PRKN: variants seen among roughly 807,000 people sequenced by gnomAD.
The protein encoded by PRKN is E3 ubiquitin-protein ligase parkin.
Under a neutral mutation model 59.5 loss-of-function variants are expected in PRKN, and 56 were observed. The observed-to-expected ratio is 0.94, with a 90% CI of 0.76 to 1.18. The LOEUF is 1.18. Ranked by LOEUF, PRKN falls within the 50% of genes most tolerant of loss-of-function variation. PRKN has a pLI of 0.00. For missense variants in PRKN, 657 were observed against 596.4 expected, an observed-to-expected ratio of 1.10 and a Z score of -1.06; for synonymous variants, 250 against 222.1, an observed-to-expected ratio of 1.13 and a Z score of -1.12.
intron 1 of PRKN, among the ~76,000 whole-genome samples, chr6:162,606,462 T>C (rs563685809): frequency 3.3e-5 from 5 of 152,362 alleles, no homozygotes; most frequent in African/African-American, 1.2e-4. Flanking sequence ...GTACTTGAAG[T>C]AACGTTTGAA....
intron 1 of PRKN, among the ~76,000 whole-genome samples, chr6:162,696,041 T>C (rs1170599029): frequency 6.6e-6 from 1 of 152,072 alleles, no homozygotes; most frequent in Non-Finnish European, 1.5e-5. Context: ...AGAAAGTGCC[T>C]GGAACATGGT....
At chr6:161,876,543 G>A (rs935348032) in intron 6 of PRKN, among the ~76,000 whole-genome samples, 2 of 152,016 alleles carry the variant, frequency 1.3e-5, no homozygotes, top group Admixed American at 6.6e-5. Context: ...AAACTCCTGA[G>A]CTCAAGTGAT....
intron 2 of PRKN, among the ~76,000 whole-genome samples, chr6:162,392,484 C>T (rs1442755203): frequency 6.6e-6 from 1 of 152,156 alleles, no homozygotes; most frequent in African/African-American, 2.4e-5. Context: ...GATTCTACAA[C>T]TTAATTTTTC....
intron 5 of PRKN, among the ~76,000 whole-genome samples, chr6:161,978,920 A>G (rs549446486): frequency 2.0e-5 from 3 of 152,324 alleles, no homozygotes; most frequent in Non-Finnish European, 2.9e-5. Flanking sequence ...CCAGCTGTCA[A>G]TTCTAGTGTG....
In PRKN at chr6:161,529,090, A is replaced by G. The variant is rs904138645; in HGVS notation, c.1083+19764T>C. ...TACTTAAAACAGCTGTCTTATGTCT[A>G]TGAGATATACGAGCCACAACCACAG... On this transcript the variant is annotated intron_variant, in intron 9 of 11. Transcript: ENST00000366898. This position sits in a 1 kb window ranked among gnomAD's most constrained non-coding sequence, Gnocchi z 4.4. Among the ~76,000 whole-genome samples the G allele has an allele frequency of 1.3e-5, 2 of 152,160 alleles. No individual in the cohort carries two copies. Among genetic ancestry groups the G allele is most frequent in the Non-Finnish European group, 2.9e-5 (2 of 68,022 alleles).
chr6:161,394,130 G>A (rs1786640326), intron 9 of PRKN, among the ~76,000 whole-genome samples: 1 of 152,096 alleles, frequency 6.6e-6, no homozygotes, highest in Admixed American at 6.5e-5. Context: ...GAACGGAGAT[G>A]GTGTTAGATT....
intron 4 of PRKN, among the ~76,000 whole-genome samples, chr6:162,067,028 C>A (rs1778369766): frequency 6.6e-6 from 1 of 152,166 alleles, no homozygotes; most frequent in Non-Finnish European, 1.5e-5. Flanking sequence ...CAGAGGTGTC[C>A]TGTGGAAACT....
chr6:161,568,972 TAA>T (rs3032926), intron 8 of PRKN, among the ~76,000 whole-genome samples: 42,262 of 138,918 alleles, frequency 0.3, 6,343 homozygotes, highest in Middle Eastern at 0.39. Context: ...AAAAACCTGG[TAA>T]AAAAAAAAAA....
Position 161,386,720 on chromosome 6 carries a change from A to G in PRKN, c.1167+74T>C. 3 of 1,132,310 alleles carry G rather than the reference A, an allele frequency of 2.6e-6. No homozygotes were observed. The highest frequency in any genetic ancestry group is 4.1e-6 in the Non-Finnish European group (3 of 740,302). The allele number at this position is 1,132,310 out of a possible 1,614,324, so 70.1% of individuals were successfully genotyped here. On this transcript the variant is annotated intron_variant, in intron 10 of 11. Coordinates refer to ENST00000366898, the MANE Select transcript of PRKN (RefSeq NM_004562.3). This position sits in a 1 kb window ranked among gnomAD's most constrained non-coding sequence, Gnocchi z 4.3. ...CTTTTTTAGAATGGAACTCTCCATG[A>G]CCTCCAGGAAACGGCTCCAGTCCCC...
intron 2 of PRKN, among the ~76,000 whole-genome samples, chr6:162,376,184 A>G (rs1786064942): frequency 6.6e-6 from 1 of 152,132 alleles, no homozygotes; most frequent in Admixed American, 6.5e-5. Context: ...GGCAGTGACA[A>G]CAGGATTTGC....
chr6:162,557,359 C>A (rs1304715880), intron 1 of PRKN, among the ~76,000 whole-genome samples: 2 of 152,212 alleles, frequency 1.3e-5, no homozygotes. Context: ...TGAGCCTAGT[C>A]CCAACACCAT....
At chr6:162,007,073 T>C (rs1474025183) in intron 5 of PRKN, among the ~76,000 whole-genome samples, 1 of 152,148 alleles carries the variant, frequency 6.6e-6, no homozygotes, top group East Asian at 1.9e-4. Flanking sequence ...CCAAAAATTA[T>C]ACATATTTAG....
At chr6:162,387,815 G>C (rs117017262) in intron 2 of PRKN, among the ~76,000 whole-genome samples, 2 of 152,176 alleles carry the variant, frequency 1.3e-5, no homozygotes, top group Non-Finnish European at 1.5e-5. Context: ...AGAAGAATGC[G>C]TCAGGTGGAA....
chr6:162,436,141 A>C (rs1789755438), intron 2 of PRKN, among the ~76,000 whole-genome samples: 1 of 125,166 alleles, frequency 8.0e-6, no homozygotes. Context: ...ATGCTATTGC[A>C]CTCCAGCCTA....
At chr6:162,501,419 C>T in intron 1 of PRKN, among the ~76,000 whole-genome samples, 1 of 150,354 alleles carries the variant, frequency 6.7e-6, no homozygotes, top group Non-Finnish European at 1.5e-5. Flanking sequence ...GTAATCTCGG[C>T]TCACTGCAGC....
chr6:161,858,745 A>G (rs1793758226), intron 6 of PRKN, among the ~76,000 whole-genome samples: 1 of 150,940 alleles, frequency 6.6e-6, no homozygotes, highest in Non-Finnish European at 1.5e-5. Context: ...AGGAACCCTG[A>G]GCTTCTCTTA....
intron 7 of PRKN, 62 bp from the exon 8 acceptor site, chr6:161,569,478 T>G (rs1562531691): frequency 7.1e-6 from 10 of 1,403,844 alleles, no homozygotes; most frequent in Non-Finnish European, 1.0e-5. Context: ...TATATGTTCT[T>G]ACACAGAGTT....
intron 6 of PRKN, among the ~76,000 whole-genome samples, chr6:161,946,440 TCTCTCTCTCTC>T (rs1326694220): frequency 1.7e-4 from 26 of 149,802 alleles, no homozygotes; most frequent in Admixed American, 8.1e-4. Flanking sequence ...TCTCTCTCTC[TCTCTCTCTCTC>T]AATACAAAAG....
chr6:162,200,907 T>C (rs751662738), intron 4 of PRKN, among the ~76,000 whole-genome samples: 14 of 152,154 alleles, frequency 9.2e-5, no homozygotes, highest in Admixed American at 6.5e-4. Context: ...GATAAAGTAA[T>C]GGGGAAACAA....
Sources: gnomAD v4.1 joint callset for allele counts (sites outside exome capture counted in the v4.1 genomes callset) on GRCh38, gnomAD v4.1.1 for gene constraint, Gnocchi (gnomAD v3.1) non-coding constraint, MANE v1.5 for transcripts, NCBI Gene and HGNC (gene_info 2026-07-23, HGNC 2026-07-21) for gene names.